FIGN: variants seen among roughly 807,000 people sequenced by gnomAD.
The protein encoded by FIGN is fidgetin.
In FIGN, 11 loss-of-function variants were observed where a neutral mutation model predicts 51.3. The ratio of observed to expected loss-of-function variants is 0.21; its 90% confidence interval spans 0.13 to 0.35. The LOEUF is 0.35. FIGN is among the 10% of genes least tolerant of loss of function. The probability of loss-of-function intolerance (pLI) is 1.00; values close to 1 mark genes in which losing one functional copy is unlikely to be tolerated. For synonymous variants in FIGN, 407 were observed against 363.2 expected (o/e 1.12, Z -1.37); for missense variants, 857 against 943.6 (o/e 0.91, Z 1.20).
chr2:163,665,312 G>T (rs1683756329), intron 2 of FIGN, among the ~76,000 whole-genome samples: 1 of 152,232 alleles, frequency 6.6e-6, no homozygotes, highest in Non-Finnish European at 1.5e-5. Context: ...CATTCTTCAT[G>T]TAAGAAAGGA....
chr2:163,659,925 A>T (rs540510712), intron 2 of FIGN, among the ~76,000 whole-genome samples: 2 of 152,232 alleles, frequency 1.3e-5, no homozygotes, highest in Admixed American at 6.5e-5. Flanking sequence ...CAACATAGTG[A>T]AACCTCATCT....
At chr2:163,729,149 C>T (rs1684887596) in intron 2 of FIGN, among the ~76,000 whole-genome samples, 1 of 151,960 alleles carries the variant, frequency 6.6e-6, no homozygotes, top group Non-Finnish European at 1.5e-5. Context: ...TAAAAAGCAT[C>T]CAGTTGACAT....
chr2:163,730,156 G>C (rs1031972813), intron 2 of FIGN, among the ~76,000 whole-genome samples: 1 of 152,114 alleles, frequency 6.6e-6, no homozygotes, highest in Non-Finnish European at 1.5e-5. Flanking sequence ...GAACTTCAAT[G>C]TACCATTTAT....
chr2:163,718,131 T>C (rs867789231), intron 2 of FIGN, among the ~76,000 whole-genome samples: 47 of 152,138 alleles, frequency 3.1e-4, no homozygotes, highest in Admixed American at 7.9e-4. Flanking sequence ...TCTCTCAGTA[T>C]AGCGACAGAC....
At position 163,721,820 on chromosome 2, in the gene FIGN, T is replaced by C. The variant is rs77015868; in HGVS notation, c.25+13083A>G. On this transcript the variant is annotated intron_variant, in intron 2 of 2. Coordinates refer to ENST00000333129, the MANE Select transcript of FIGN (RefSeq NM_018086.4). Reference sequence around the variant, plus strand: ...TATAGGTTTTCTTAGTAAAATTGTGTTTTTAAAAGAATGACAATAGAGTCT... The same window carrying C: ...TATAGGTTTTCTTAGTAAAATTGTGCTTTTAAAAGAATGACAATAGAGTCT... Among the ~76,000 whole-genome samples the C allele has an allele frequency of 7.4e-4, 112 of 152,310 alleles. 1 individual carries two copies. The East Asian group carries it at 0.017, about 24-fold the overall frequency.
At chr2:163,645,953 C>G (rs1369292869) in intron 2 of FIGN, among the ~76,000 whole-genome samples, 5 of 152,164 alleles carry the variant, frequency 3.3e-5, no homozygotes, top group Non-Finnish European at 7.3e-5. Flanking sequence ...AATCCAGAAC[C>G]TGGACTATAT....
chr2:163,634,936 T>C (rs551548871), intron 2 of FIGN, among the ~76,000 whole-genome samples: 112 of 152,170 alleles, frequency 7.4e-4, no homozygotes, highest in Non-Finnish European at 1.5e-3. Context: ...TTACATAGAG[T>C]ATGTGCTCAA....
chr2:163,734,115 C>CTT (rs111966025), intron 2 of FIGN, among the ~76,000 whole-genome samples: 2,114 of 145,702 alleles, frequency 0.015, 51 homozygotes, highest in African/African-American at 0.05. Flanking sequence ...ATTTAACTGA[C>CTT]TTTTTTTTTT....
intron 2 of FIGN, among the ~76,000 whole-genome samples, chr2:163,670,253 G>A (rs1395934367): frequency 6.6e-6 from 1 of 152,164 alleles, no homozygotes; most frequent in African/African-American, 2.4e-5. Flanking sequence ...AGCACACAAT[G>A]TGGCTGGCAA....
Position 163,657,711 on chromosome 2 carries a change from C to A in FIGN, c.26-45905G>T, listed in dbSNP as rs1345143103. 2.6e-5 allele frequency among the ~76,000 whole-genome samples: 4 copies of A among 152,092 alleles called. 1 individual carries two copies. Among genetic ancestry groups the A allele is most frequent in the African/African-American group, 9.7e-5 (4 of 41,414 alleles). ...GAGGGAGGCAGGATTCCTCATTACA[C>A]ATTTTAGTAGGTCATGCTAAATAGT... is the stretch of plus-strand genomic sequence containing the variant. On this transcript the variant is annotated intron_variant, in intron 2 of 2. Coordinates refer to ENST00000333129, the MANE Select transcript of FIGN (RefSeq NM_018086.4).
chr2:163,724,771 A>G lies in FIGN; in HGVS notation c.25+10132T>C, dbSNP rs572404605. The stretch of plus-strand genomic sequence containing the variant: ...AAACTTGAGTATGTTAAGAGAGAAT[A>G]AAAGAGTCTGAGAATAAGTTGAACC... On this transcript the variant is annotated intron_variant, in intron 2 of 2. Transcript: ENST00000333129. 5.3e-5 allele frequency among the ~76,000 whole-genome samples: 8 copies of G among 152,078 alleles called. No individual in the cohort carries two copies. In the East Asian group the frequency reaches 1.5e-3, roughly 29 times the overall value.
At chr2:163,724,345 T>A (rs1012855877) in intron 2 of FIGN, among the ~76,000 whole-genome samples, 1 of 152,182 alleles carries the variant, frequency 6.6e-6, no homozygotes, top group African/African-American at 2.4e-5. Context: ...TGAATAGATA[T>A]CTTCATTTTT....
intron 2 of FIGN, among the ~76,000 whole-genome samples, chr2:163,693,936 T>G (rs948960461): frequency 1.6e-4 from 25 of 152,186 alleles, no homozygotes; most frequent in African/African-American, 6.0e-4. Flanking sequence ...ACTTTAGAAA[T>G]AATACAGGTA....
At chr2:163,631,805 A>T (rs1481744128) in intron 2 of FIGN, among the ~76,000 whole-genome samples, 3 of 152,184 alleles carry the variant, frequency 2.0e-5, no homozygotes, top group African/African-American at 7.2e-5. Context: ...ATCCACAAAA[A>T]CTTGGTGCTA....
chr2:163,734,755 A>G, intron 2 of FIGN, 148 bp downstream of exon 2: 1 of 633,634 alleles, frequency 1.6e-6, no homozygotes, highest in Non-Finnish European at 2.6e-6. Flanking sequence ...AAAAAAAAGC[A>G]TGGTGACATT....
chr2:163,724,246 T>A (rs181213272), intron 2 of FIGN, among the ~76,000 whole-genome samples: 2 of 152,212 alleles, frequency 1.3e-5, no homozygotes, highest in Non-Finnish European at 2.9e-5. Context: ...CTTGCAAGAC[T>A]GACAGAAATG....
chr2:163,635,970 A>T (rs1222737356), intron 2 of FIGN, among the ~76,000 whole-genome samples: 2 of 152,200 alleles, frequency 1.3e-5, no homozygotes, highest in African/African-American at 4.8e-5. Context: ...AGCCATAAAG[A>T]TAGTTTATTT....
intron 2 of FIGN, among the ~76,000 whole-genome samples, chr2:163,695,591 A>G (rs1684305229): frequency 6.6e-6 from 1 of 152,210 alleles, no homozygotes; most frequent in Non-Finnish European, 1.5e-5. Flanking sequence ...ATCAGCACAC[A>G]TCTGAAAATG....
intron 2 of FIGN, among the ~76,000 whole-genome samples, chr2:163,709,906 A>C (rs973783177): frequency 5.9e-5 from 9 of 152,216 alleles, no homozygotes; most frequent in Non-Finnish European, 1.0e-4. Context: ...TTATTTTCTC[A>C]TTGCCTTACA....
Sources: gnomAD v4.1 joint callset for allele counts (sites outside exome capture counted in the v4.1 genomes callset) on GRCh38, gnomAD v4.1.1 for gene constraint, MANE v1.5 for transcripts, NCBI Gene and HGNC (gene_info 2026-07-23, HGNC 2026-07-21) for gene names.